EYS: variants seen among roughly 807,000 people sequenced by gnomAD.
The protein encoded by EYS is EGF-like photoreceptor maintenance factor.
EYS carries 250 observed loss-of-function variants against 282.1 expected under a neutral mutation model. That is an observed-to-expected ratio of 0.89 (90% CI 0.80 to 0.98). The LOEUF (loss-of-function observed/expected upper bound fraction) is 0.98. Ranked by LOEUF, EYS falls within the 50% of genes least tolerant of loss-of-function variation. The pLI is 0.00. For missense variants in EYS, 4,016 were observed against 3,709.0 expected, an observed-to-expected ratio of 1.08 and a Z score of -2.15; for synonymous variants, 1,355 against 1,282.9, an observed-to-expected ratio of 1.06 and a Z score of -1.20.
intron 33 of EYS, among the ~76,000 whole-genome samples, chr6:64,012,666 A>AATTT (rs1768694108): frequency 1.3e-5 from 2 of 152,144 alleles, no homozygotes. Flanking sequence ...TGGGTAAGCA[A>AATTT]ATTTAAGGAA....
chr6:64,080,867 A>G (rs1378457441), intron 32 of EYS, among the ~76,000 whole-genome samples: 1 of 152,104 alleles, frequency 6.6e-6, no homozygotes, highest in Non-Finnish European at 1.5e-5. Context: ...AGATAGTTGT[A>G]GATATGCGGC....
At chr6:64,468,240 A>G (rs1775987756) in intron 26 of EYS, among the ~76,000 whole-genome samples, 1 of 152,138 alleles carries the variant, frequency 6.6e-6, no homozygotes, top group South Asian at 2.1e-4. Context: ...ACACAGCCTA[A>G]GCTACTGAGG....
intron 41 of EYS, among the ~76,000 whole-genome samples, chr6:63,733,260 C>G (rs1768824171): frequency 6.6e-6 from 1 of 152,092 alleles, no homozygotes; most frequent in Non-Finnish European, 1.5e-5. Context: ...AACTTACTAG[C>G]CTGCAACTTC....
Position 65,294,589 on chromosome 6 carries a change from A to G in EYS, c.2023+1274T>C, listed in dbSNP as rs114344938. Among the ~76,000 whole-genome samples, 1,257 of 151,974 alleles carry G rather than the reference A, an allele frequency of 8.3e-3. 13 individuals carry two copies. The highest frequency in any genetic ancestry group is 0.029 in the African/African-American group (1,204 of 41,496). ...ATAACGTACAACCAATATAGAGTTG[A>G]TATAAAAATAATAGATGATTCATTG... On this transcript the variant is annotated intron_variant, in intron 12 of 42. Transcript: ENST00000503581.
intron 13 of EYS, among the ~76,000 whole-genome samples, chr6:65,038,380 G>T (rs931059725): frequency 4.6e-5 from 7 of 151,070 alleles, no homozygotes; most frequent in African/African-American, 1.7e-4. Context: ...CTTTTGTTTA[G>T]CATAATATTT....
At chr6:65,254,922 G>T (rs1435051847) in intron 12 of EYS, among the ~76,000 whole-genome samples, 4 of 151,796 alleles carry the variant, frequency 2.6e-5, no homozygotes, top group Non-Finnish European at 5.9e-5. Context: ...AATAAACCAT[G>T]CTCATAATGT....
Position 64,383,822 on chromosome 6 carries a change from T to A in EYS, c.6078+4868A>T, listed in dbSNP as rs189508203. ...TCTTGATTTCTTCAATGGTGTGTTT[T>A]AATTTTTTCTAATTATTTTGTGTCC... is the stretch of plus-strand genomic sequence containing the variant. On this transcript the variant is annotated intron_variant, in intron 29 of 42. Coordinates refer to ENST00000503581, the MANE Select transcript of EYS (RefSeq NM_001142800.2). Among the ~76,000 whole-genome samples the A allele has an allele frequency of 4.1e-4, 63 of 152,350 alleles. 1 individual carries two copies. The East Asian group carries it at 0.011, about 27-fold the overall frequency.
At chr6:64,316,507 G>A (rs1451728936) in intron 29 of EYS, among the ~76,000 whole-genome samples, 2 of 151,964 alleles carry the variant, frequency 1.3e-5, no homozygotes, top group Non-Finnish European at 2.9e-5. Flanking sequence ...AACTTACAAG[G>A]GACGTGAAGG....
At chr6:65,072,880 G>T (rs1773940363) in intron 12 of EYS, among the ~76,000 whole-genome samples, 1 of 151,374 alleles carries the variant, frequency 6.6e-6, no homozygotes. Context: ...GGCAAATATT[G>T]AAACTATGCA....
intron 19 of EYS, among the ~76,000 whole-genome samples, chr6:64,834,929 G>A (rs961108582): frequency 4.0e-5 from 6 of 151,752 alleles, no homozygotes; most frequent in Admixed American, 3.3e-4. Flanking sequence ...TTGAGAGACA[G>A]TCCAATATCA....
At chr6:64,498,827 T>C (rs1776960603) in intron 26 of EYS, among the ~76,000 whole-genome samples, 1 of 152,166 alleles carries the variant, frequency 6.6e-6, no homozygotes, top group South Asian at 2.1e-4. Context: ...TAGTATTCCA[T>C]GTGTATATGT....
At chr6:65,469,173 G>A (rs1193364248) in intron 5 of EYS, among the ~76,000 whole-genome samples, 1 of 151,720 alleles carries the variant, frequency 6.6e-6, no homozygotes, top group Non-Finnish European at 1.5e-5. Flanking sequence ...AAATTTAACT[G>A]GACTTTTTTC....
At chr6:65,306,523 T>A (rs1769008444) in intron 11 of EYS, among the ~76,000 whole-genome samples, 1 of 152,214 alleles carries the variant, frequency 6.6e-6, no homozygotes, top group Admixed American at 6.5e-5. Flanking sequence ...GTCCCTTTTG[T>A]AGATATTCTT....
chr6:64,834,651 G>A (rs1765328507), intron 19 of EYS, among the ~76,000 whole-genome samples: 1 of 151,724 alleles, frequency 6.6e-6, no homozygotes, highest in South Asian at 2.1e-4. Context: ...ATAGGCAAAG[G>A]CAATGGCTTA....
chr6:63,861,935 C>T (rs1772543146), intron 36 of EYS, among the ~76,000 whole-genome samples: 1 of 152,224 alleles, frequency 6.6e-6, no homozygotes, highest in African/African-American at 2.4e-5. Context: ...TATTCCATTA[C>T]AGCAGCTGGA....
In EYS at chr6:64,696,097, C is replaced by T. The variant is rs115936259; in HGVS notation, c.3444-69852G>A. On this transcript the variant is annotated intron_variant, in intron 22 of 42. Transcript: ENST00000503581. ...AAGATACAAGATAAATCTGAAAACC[C>T]ATACAAAGAAATCAGAAAATCAATT... Among the ~76,000 whole-genome samples the T allele has an allele frequency of 7.0e-3, 1,058 of 152,036 alleles. 5 individuals carry two copies. The highest frequency in any genetic ancestry group is 9.2e-3 in the Non-Finnish European group (628 of 67,948).
intron 1 of EYS, among the ~76,000 whole-genome samples, chr6:65,675,623 G>C (rs1582590585): frequency 1.3e-5 from 2 of 151,918 alleles, no homozygotes; most frequent in Non-Finnish European, 2.9e-5. Flanking sequence ...GGCAGAACTG[G>C]AGTGAGATAG....
At chr6:64,464,563 C>T (rs900000642) in intron 26 of EYS, among the ~76,000 whole-genome samples, 3 of 152,058 alleles carry the variant, frequency 2.0e-5, no homozygotes, top group African/African-American at 7.2e-5. Flanking sequence ...ACTAAAAAGA[C>T]CATTAGAACT....
At chr6:63,857,684 A>G (rs1034948692) in intron 36 of EYS, 2 of 440,694 alleles carry the variant, frequency 4.5e-6, no homozygotes, top group Non-Finnish European at 9.3e-6. Context: ...CTTGTTTGCC[A>G]ATAAGTTTGA....
Sources: allele counts gnomAD v4.1 joint callset (sites outside exome capture counted in the v4.1 genomes callset), GRCh38; gene constraint gnomAD v4.1.1; transcripts MANE v1.5; gene names NCBI Gene and HGNC (gene_info 2026-07-23, HGNC 2026-07-21).